The following LMX1B variants were observed in gnomAD, a reference collection of about 807,000 sequenced individuals.
LMX1B encodes LIM homeobox transcription factor 1-beta.
LMX1B carries 12 observed loss-of-function variants against 51.4 expected under a neutral mutation model. That is an observed-to-expected ratio of 0.23 (90% CI 0.15 to 0.38). The LOEUF (loss-of-function observed/expected upper bound fraction) is 0.38. Ranked by LOEUF, LMX1B falls within the 10% of genes least tolerant of loss-of-function variation. The pLI is 1.00. For missense variants in LMX1B, 445 were observed against 571.1 expected (o/e 0.78, Z 2.25); for synonymous variants, 237 against 235.4 (o/e 1.01, Z -0.06).
At chr9:126,672,722 C>T (rs1342484054) in intron 2 of LMX1B, among the ~76,000 whole-genome samples, 1 of 152,108 alleles carries the variant, frequency 6.6e-6, no homozygotes, top group African/African-American at 2.4e-5. Flanking sequence ...ACATGGGGTG[C>T]GGGGGGCTGA....
intron 2 of LMX1B, among the ~76,000 whole-genome samples, chr9:126,687,539 C>T (rs1181846915): frequency 6.6e-6 from 1 of 152,168 alleles, no homozygotes; most frequent in Non-Finnish European, 1.5e-5. Context: ...TGATCATTCC[C>T]ATTTTATAGA....
chr9:126,676,108 G>C (rs983122252), intron 2 of LMX1B, among the ~76,000 whole-genome samples: 2 of 151,664 alleles, frequency 1.3e-5, no homozygotes, highest in Non-Finnish European at 2.9e-5. Context: ...ACTCAGGCAG[G>C]CTCCTGTACT....
At chr9:126,667,507 C>A (rs1836365161) in intron 2 of LMX1B, among the ~76,000 whole-genome samples, 1 of 152,228 alleles carries the variant, frequency 6.6e-6, no homozygotes, top group Non-Finnish European at 1.5e-5. Context: ...CTGGGCGGTG[C>A]TGCCTTGGGG....
rs573233609 is a variant in LMX1B at position 126,645,418 on chromosome 9, C to T, written c.326+29849C>T. ...AATCCCTGCTGTACTTCAGGTCTGT[C>T]CTCCAGCCAGGCAGGGAGCAGGGCC... is the stretch of plus-strand genomic sequence containing the variant. On this transcript the variant is annotated intron_variant, in intron 2 of 7. Coordinates refer to ENST00000373474, the MANE Select transcript of LMX1B (RefSeq NM_001174147.2). 3.3e-5 allele frequency among the ~76,000 whole-genome samples: 5 copies of T among 152,350 alleles called. No individual in the cohort carries two copies. The South Asian group carries it at 1.0e-3, about 32-fold the overall frequency.
At chr9:126,632,177 G>A (rs1387570220) in intron 2 of LMX1B, among the ~76,000 whole-genome samples, 20 of 152,210 alleles carry the variant, frequency 1.3e-4, no homozygotes, top group Admixed American at 1.3e-3. Flanking sequence ...ATGAGATGCT[G>A]TGTTCAAAGA....
At chr9:126,656,531 T>C (rs546984456) in intron 2 of LMX1B, among the ~76,000 whole-genome samples, 70 of 152,314 alleles carry the variant, frequency 4.6e-4, no homozygotes, top group Non-Finnish European at 8.1e-4. Context: ...GAGGCATTTC[T>C]GAAGGCCACT....
chr9:126,669,380 C>G (rs188348485), intron 2 of LMX1B, among the ~76,000 whole-genome samples: 5 of 152,284 alleles, frequency 3.3e-5, no homozygotes, highest in Admixed American at 6.5e-5. Flanking sequence ...GTGGGTGGGT[C>G]ACTGCCCTCT....
In LMX1B at chr9:126,658,755, C is replaced by T. The variant is rs1465812527; in HGVS notation, c.327-32081C>T. Among the ~76,000 whole-genome samples the T allele has an allele frequency of 3.3e-5, 5 of 152,244 alleles. No homozygotes were observed. In the East Asian group the frequency reaches 9.6e-4, roughly 29 times the overall value. On this transcript the variant is annotated intron_variant, in intron 2 of 7. Transcript: ENST00000373474. The surrounding 1 kb of genome is among the most constrained non-coding windows in gnomAD (Gnocchi z 4.0). ...TTAAGATAAATGCCGAACAAATAAT[C>T]AAATTATCAAGCCAAAACCTGGGAA...
intron 2 of LMX1B, among the ~76,000 whole-genome samples, chr9:126,634,130 G>A (rs538133515): frequency 5.3e-5 from 8 of 152,282 alleles, no homozygotes; most frequent in African/African-American, 1.9e-4. Context: ...CTGGAATAAC[G>A]CCAGGACTCC....
At chr9:126,686,211 C>T (rs1027780193) in intron 2 of LMX1B, among the ~76,000 whole-genome samples, 21 of 144,286 alleles carry the variant, frequency 1.5e-4, no homozygotes, top group Admixed American at 2.2e-4. Context: ...ACCCAGGAGG[C>T]GGAGCTTGCA....
chr9:126,692,415 C>T (rs1274495248), intron 3 of LMX1B, among the ~76,000 whole-genome samples: 1 of 152,260 alleles, frequency 6.6e-6, no homozygotes, highest in Non-Finnish European at 1.5e-5. Flanking sequence ...AGACCCAAAC[C>T]TGGGGCGGGG....
At chr9:126,675,895 A>G (rs1836547619) in intron 2 of LMX1B, among the ~76,000 whole-genome samples, 1 of 149,584 alleles carries the variant, frequency 6.7e-6, no homozygotes, top group Non-Finnish European at 1.5e-5. Flanking sequence ...TAAAAATACA[A>G]AAAATTAGCC....
At chr9:126,678,004 G>A (rs1836598099) in intron 2 of LMX1B, among the ~76,000 whole-genome samples, 1 of 152,190 alleles carries the variant, frequency 6.6e-6, no homozygotes, top group African/African-American at 2.4e-5. Context: ...GGCTCATTCA[G>A]AGGGTGATTA....
intron 2 of LMX1B, among the ~76,000 whole-genome samples, chr9:126,657,923 CAGA>C (rs1413132892): frequency 6.6e-6 from 1 of 152,112 alleles, no homozygotes; most frequent in Non-Finnish European, 1.5e-5. Context: ...TTTGTCTGGC[CAGA>C]AGAAGGGGTG....
intron 3 of LMX1B, among the ~76,000 whole-genome samples, chr9:126,692,917 G>A (rs1297159228): frequency 1.3e-5 from 2 of 152,242 alleles, no homozygotes; most frequent in African/African-American, 4.8e-5. Context: ...TGTGTGCCGG[G>A]GAAGGGACTC....
Position 126,650,414 on chromosome 9 carries a change from C to A in LMX1B, c.326+34845C>A, listed in dbSNP as rs540826114. On this transcript the variant is annotated intron_variant, in intron 2 of 7. Coordinates refer to ENST00000373474, the MANE Select transcript of LMX1B (RefSeq NM_001174147.2). ...GCAGGCGGGAGCTCCGAGGGGGCAG[C>A]CTTGTTTTGTTTTAATCATGGGTGA... Among the ~76,000 whole-genome samples the A allele has an allele frequency of 3.6e-3, 547 of 152,192 alleles. 3 individuals are homozygous for A. Among genetic ancestry groups the A allele is most frequent in the Non-Finnish European group, 6.4e-3 (435 of 68,036 alleles).
intron 2 of LMX1B, among the ~76,000 whole-genome samples, chr9:126,664,841 G>C (rs1836313291): frequency 6.6e-6 from 1 of 152,168 alleles, no homozygotes; most frequent in Non-Finnish European, 1.5e-5. Flanking sequence ...CGCCATCGCA[G>C]TCCAGCCTGG....
At chr9:126,669,431 G>T (rs532443025) in intron 2 of LMX1B, among the ~76,000 whole-genome samples, 1 of 152,158 alleles carries the variant, frequency 6.6e-6, no homozygotes, top group Non-Finnish European at 1.5e-5. Flanking sequence ...AGTTTCCTTC[G>T]GGTCTGCATT....
Position 126,614,600 on chromosome 9 carries a change from G to A in LMX1B, c.139+12G>A, listed in dbSNP as rs2235053. ...GGGGGTGCTGCTGGGTGAGTGCGGG[G>A]TCGGAACGCCCGAGTGGTCTCGGGC... On this transcript the variant is annotated intron_variant, in intron 1 of 7. Transcript: ENST00000373474. The A allele has an allele frequency of 1.9e-6, 3 of 1,577,090 alleles. No homozygotes were observed. The highest frequency in any genetic ancestry group is 2.6e-6 in the Non-Finnish European group (3 of 1,160,554).
Sources: gnomAD v4.1 joint callset for allele counts (sites outside exome capture counted in the v4.1 genomes callset) on GRCh38, gnomAD v4.1.1 for gene constraint, Gnocchi (gnomAD v3.1) non-coding constraint, MANE v1.5 for transcripts, NCBI Gene and HGNC (gene_info 2026-07-23, HGNC 2026-07-21) for gene names.